Variants in FARS2 observed in about 807,000 individuals in gnomAD.
FARS2 encodes phenylalanyl-tRNA synthetase 2, mitochondrial.
In FARS2, 40 loss-of-function variants were observed where a neutral mutation model predicts 46.4. That is an observed-to-expected ratio of 0.86 (90% CI 0.67 to 1.12). The LOEUF (loss-of-function observed/expected upper bound fraction) is 1.12, where lower values mean the gene tolerates loss of function less well. FARS2 is among the 50% of genes most tolerant of loss of function. FARS2 has a pLI of 0.00. For synonymous variants in FARS2, 234 were observed against 214.9 expected, an observed-to-expected ratio of 1.09 and a Z score of -0.78; for missense variants, 513 against 567.9, an observed-to-expected ratio of 0.90 and a Z score of 0.98.
chr6:5,731,003 A>C (rs6919611), intron 6 of FARS2, among the ~76,000 whole-genome samples: 1 of 152,092 alleles, frequency 6.6e-6, no homozygotes, highest in Non-Finnish European at 1.5e-5. Flanking sequence ...GAAAGCATCA[A>C]CCCTAATGAC....
chr6:5,655,640 T>G (rs538026292), intron 6 of FARS2, among the ~76,000 whole-genome samples: 18 of 152,198 alleles, frequency 1.2e-4, no homozygotes, highest in South Asian at 2.1e-4. Context: ...GCCTCCCTCT[T>G]ATAAGAATTC....
intron 6 of FARS2, among the ~76,000 whole-genome samples, chr6:5,614,444 C>T (rs1775357041): frequency 6.8e-6 from 1 of 147,548 alleles, no homozygotes; most frequent in East Asian, 2.0e-4. Context: ...GAGTCTCGCT[C>T]TGTCGCCCAG....
At chr6:5,625,838 T>C (rs1467105889) in intron 6 of FARS2, among the ~76,000 whole-genome samples, 1 of 152,120 alleles carries the variant, frequency 6.6e-6, no homozygotes, top group African/African-American at 2.4e-5. Context: ...AGGCTCCAGA[T>C]GGTCTCTCCG....
intron 6 of FARS2, among the ~76,000 whole-genome samples, chr6:5,683,619 T>G (rs961979052): frequency 1.5e-4 from 23 of 152,164 alleles, no homozygotes; most frequent in African/African-American, 5.3e-4. Context: ...TTTTTTTTCT[T>G]TTACTTTAAG....
chr6:5,734,133 A>G (rs899428123), intron 6 of FARS2, among the ~76,000 whole-genome samples: 2 of 152,162 alleles, frequency 1.3e-5, no homozygotes, highest in African/African-American at 4.8e-5. Context: ...CCAGTGGTAG[A>G]TGGAAATAGA....
chr6:5,352,733 C>G (rs1757652155), intron 1 of FARS2, among the ~76,000 whole-genome samples: 1 of 151,770 alleles, frequency 6.6e-6, no homozygotes, highest in South Asian at 2.1e-4. Context: ...TCCTTCTGTC[C>G]TCCCTTCCTC....
intron 1 of FARS2, among the ~76,000 whole-genome samples, chr6:5,359,480 A>T: frequency 6.6e-6 from 1 of 152,238 alleles, no homozygotes; most frequent in East Asian, 1.9e-4. Context: ...TAGCTATTAC[A>T]AAAGAAGACT....
At chr6:5,683,014 G>A (rs183482745) in intron 6 of FARS2, among the ~76,000 whole-genome samples, 8 of 152,346 alleles carry the variant, frequency 5.3e-5, no homozygotes, top group Admixed American at 3.9e-4. Context: ...GGGAAGAAAC[G>A]TGTTCAGAGA....
chr6:5,463,151 A>G (rs1471231328), intron 4 of FARS2, among the ~76,000 whole-genome samples: 4 of 152,182 alleles, frequency 2.6e-5, no homozygotes, highest in Non-Finnish European at 5.9e-5. Flanking sequence ...AGTGTTTTAT[A>G]GTTTTTAGAG....
At chr6:5,700,834 C>T (rs990512701) in intron 6 of FARS2, among the ~76,000 whole-genome samples, 8 of 152,196 alleles carry the variant, frequency 5.3e-5, no homozygotes, top group African/African-American at 1.9e-4. Context: ...GGGCCGCGCT[C>T]TGCTGCACAC....
intron 6 of FARS2, among the ~76,000 whole-genome samples, chr6:5,672,589 T>C (rs1382078231): frequency 1.3e-5 from 2 of 152,170 alleles, no homozygotes; most frequent in Non-Finnish European, 2.9e-5. Flanking sequence ...AAAGTAAAGA[T>C]TTAGATTTAG....
chr6:5,376,950 A>G (rs565043254), intron 2 of FARS2, among the ~76,000 whole-genome samples: 1 of 152,360 alleles, frequency 6.6e-6, no homozygotes, highest in South Asian at 2.1e-4. Context: ...AGGAGGGTGA[A>G]TGAGATCAGG....
chr6:5,426,279 A>G (rs981928307), intron 3 of FARS2, among the ~76,000 whole-genome samples: 4 of 152,232 alleles, frequency 2.6e-5, no homozygotes, highest in Admixed American at 2.0e-4. Context: ...TCTTATGCAT[A>G]ATGAATCCAT....
chr6:5,323,952 G>A (rs981813214), intron 1 of FARS2, among the ~76,000 whole-genome samples: 12 of 152,032 alleles, frequency 7.9e-5, no homozygotes, highest in African/African-American at 1.9e-4. Flanking sequence ...CCCTCCAGCC[G>A]GGAAGATGCC....
chr6:5,341,147 C>T (rs756509559), intron 1 of FARS2, among the ~76,000 whole-genome samples: 6 of 128,794 alleles, frequency 4.7e-5, no homozygotes, highest in Non-Finnish European at 8.0e-5. Context: ...CATATGCACA[C>T]GTTGTTTCAC....
intron 6 of FARS2, among the ~76,000 whole-genome samples, chr6:5,723,170 A>G (rs1038070035): frequency 6.6e-6 from 1 of 152,110 alleles, no homozygotes; most frequent in Non-Finnish European, 1.5e-5. Flanking sequence ...CAGGCCACGA[A>G]TGGGCCACTC....
At chr6:5,632,146 T>G (rs139718935) in intron 6 of FARS2, among the ~76,000 whole-genome samples, 1,761 of 152,332 alleles carry the variant, frequency 0.012, 16 homozygotes, top group South Asian at 0.031. Context: ...AGAAACTGTA[T>G]CTGTTAAAAT....
chr6:5,769,097 T>G (rs1270382182), intron 6 of FARS2, among the ~76,000 whole-genome samples: 4 of 152,252 alleles, frequency 2.6e-5, no homozygotes, highest in Non-Finnish European at 5.9e-5. Context: ...CTAAGAGTGA[T>G]AATAGTTTCA....
At chr6:5,719,255 C>A (rs1759714398) in intron 6 of FARS2, among the ~76,000 whole-genome samples, 1 of 151,844 alleles carries the variant, frequency 6.6e-6, no homozygotes, top group Admixed American at 6.6e-5. Context: ...TGGAGGCACA[C>A]ACCTATGGTC....
Sources: allele counts gnomAD v4.1 joint callset (sites outside exome capture counted in the v4.1 genomes callset), GRCh38; gene constraint gnomAD v4.1.1; transcripts MANE v1.5; gene names NCBI Gene and HGNC (gene_info 2026-07-23, HGNC 2026-07-21).